Variants in PCDHGB2 observed in about 807,000 individuals in gnomAD.
PCDHGB2 encodes the protein protocadherin gamma-B2.
A neutral mutation model predicts 59.3 loss-of-function variants in PCDHGB2; 55 were observed. The ratio of observed to expected loss-of-function variants is 0.93; its 90% CI spans 0.75 to 1.16. PCDHGB2 has a LOEUF of 1.16. Ranked by LOEUF, PCDHGB2 falls within the 50% of genes most tolerant of loss-of-function variation. The pLI is 0.00. For missense variants in PCDHGB2, 1,228 were observed against 1,198.5 expected, an observed-to-expected ratio of 1.02 and a Z score of -0.36; for synonymous variants, 516 against 512.0, an observed-to-expected ratio of 1.01 and a Z score of -0.11.
At chr5:141,405,545 AAGTAGAGTAGCTGGGACTAG>A (rs1053729516) in intron 1 of PCDHGB2, 17 of 631,162 alleles carry the variant, frequency 2.7e-5, no homozygotes, top group African/African-American at 9.2e-5. Flanking sequence ...TCAGCCTCCC[AAGTAGAGTAGCTGGGACTAG>A]AGTAGAGTAG....
At chr5:141,376,267 G>C (rs1021502624) in intron 1 of PCDHGB2, 2 of 1,614,092 alleles carry the variant, frequency 1.2e-6, no homozygotes, top group African/African-American at 2.7e-5. Context: ...TGCAGGCTTC[G>C]GGAGGTGGCT....
At position 141,476,251 on chromosome 5, in the gene PCDHGB2, C is replaced by T; in HGVS notation, c.2422-18556C>T. On this transcript the variant is annotated intron_variant, in intron 1 of 3. Coordinates refer to ENST00000522605, the MANE Select transcript of PCDHGB2 (RefSeq NM_018923.3). This position sits in a 1 kb window ranked among gnomAD's most constrained non-coding sequence, Gnocchi z 7.6. The stretch of plus-strand genomic sequence containing the variant: ...TCCCGGAGGAAAGAGAGAAGGGTTT[C>T]GCTGTGGGCAACGTGGTCGCGAACC... 1 of 1,613,866 alleles carries T rather than the reference C, an allele frequency of 6.2e-7. No homozygotes were observed. The highest frequency in any genetic ancestry group is 8.5e-7 in the Non-Finnish European group (1 of 1,179,978).
At chr5:141,450,297 G>A (rs1414677718) in intron 1 of PCDHGB2, among the ~76,000 whole-genome samples, 3 of 151,838 alleles carry the variant, frequency 2.0e-5, no homozygotes, top group Non-Finnish European at 4.4e-5. Context: ...ACAGGCGTGA[G>A]CCACCATGTG....
intron 1 of PCDHGB2, among the ~76,000 whole-genome samples, chr5:141,492,164 C>G (rs1180358388): frequency 6.6e-6 from 1 of 152,230 alleles, no homozygotes; most frequent in Non-Finnish European, 1.5e-5. Context: ...CTCCCTATCC[C>G]CGCATCACCC....
chr5:141,366,545 C>T, intron 1 of PCDHGB2: 1 of 1,614,268 alleles, frequency 6.2e-7, no homozygotes, highest in East Asian at 2.2e-5. Context: ...GCCCGCCTCG[C>T]ACTTTGTGGG....
At position 141,421,672 on chromosome 5, in the gene PCDHGB2, C is replaced by T; in HGVS notation, c.2421+59116C>T. On this transcript the variant is annotated intron_variant, in intron 1 of 3. Coordinates refer to ENST00000522605, the MANE Select transcript of PCDHGB2 (RefSeq NM_018923.3). Reference sequence around the variant, plus strand: ...GATAAAAGTCAGTGAGCACGCAATTCCTGGGGCGCGATTTGCTCTTCCTAA... The same window carrying T: ...GATAAAAGTCAGTGAGCACGCAATTTCTGGGGCGCGATTTGCTCTTCCTAA... 4 of 1,613,862 alleles carry T rather than the reference C, an allele frequency of 2.5e-6. No individual in the cohort carries two copies. The highest frequency in any genetic ancestry group is 1.6e-4 in the Middle Eastern group (1 of 6,062).
intron 1 of PCDHGB2, chr5:141,375,467 C>A: frequency 6.2e-7 from 1 of 1,614,008 alleles, no homozygotes; most frequent in Non-Finnish European, 8.5e-7. Flanking sequence ...AGTCTATGTC[C>A]TTGAAAACAA....
rs761181928 is a variant in PCDHGB2, at chr5:141,360,515, A to G, written c.380A>G (p.Asn127Ser). 1 of 1,613,898 alleles carries G rather than the reference A, an allele frequency of 6.2e-7. No homozygotes were observed. ...FYIAVIVQDI[N>S]DNTPLFKQTK... ...ATAGCAGTAATTGTGCAGGATATAA[A>G]TGATAATACCCCGCTATTCAAACAG... is the stretch of plus-strand genomic sequence containing the variant. Residue 127 changes from asparagine to serine, a missense_variant, in exon 1 of 4, where the codon AAT becomes AGT. Asn to Ser is a conservative substitution (Grantham distance 46, BLOSUM62 1). Coordinates refer to ENST00000522605, the MANE Select transcript of PCDHGB2 (RefSeq NM_018923.3).
intron 1 of PCDHGB2, among the ~76,000 whole-genome samples, chr5:141,437,490 A>C (rs549866784): frequency 6.6e-6 from 1 of 152,190 alleles, no homozygotes; most frequent in African/African-American, 2.4e-5. Flanking sequence ...AATCTCGTAG[A>C]TCACTTTTCA....
At position 141,454,796 on chromosome 5, in the gene PCDHGB2, A is replaced by ATT. The variant is rs61612330; in HGVS notation, c.2422-39983_2422-39982dup. On this transcript the variant is annotated intron_variant, in intron 1 of 3. Coordinates refer to ENST00000522605, the MANE Select transcript of PCDHGB2 (RefSeq NM_018923.3). Reference sequence around the variant, plus strand: ...AAGGAAATAATCCTCCATGGTTCTAATTTTTTTTTTTTTTTTTTTTTTTTT... The same window carrying ATT: ...AAGGAAATAATCCTCCATGGTTCTAATTTTTTTTTTTTTTTTTTTTTTTTTTT... 6.7e-3 allele frequency among the ~76,000 whole-genome samples: 521 copies of ATT among 77,456 alleles called. 71 individuals are homozygous for ATT. The highest frequency in any genetic ancestry group is 0.017 in the Middle Eastern group (2 of 120). The allele number at this position is 77,456 out of a possible 152,430, so 50.8% of individuals were successfully genotyped here.
rs189836587 is a variant in PCDHGB2, at chr5:141,376,293, G to A, written c.2421+13737G>A. 14 of 1,614,094 alleles carry A rather than the reference G, an allele frequency of 8.7e-6. No homozygotes were observed. In the Admixed American group the frequency reaches 2.0e-4, roughly 23 times the overall value. On this transcript the variant is annotated intron_variant, in intron 1 of 3. Coordinates refer to ENST00000522605, the MANE Select transcript of PCDHGB2 (RefSeq NM_018923.3). ...GGAGGTGGCTTAGCGAGCATGCCCG[G>A]CTCGCACTTTGTGGGCGTGGAAGGG... is the stretch of plus-strand genomic sequence containing the variant.
At chr5:141,367,247 T>C (rs1765012558) in intron 1 of PCDHGB2, 1 of 153,262 alleles carries the variant, frequency 6.5e-6, no homozygotes, top group South Asian at 2.0e-4. Context: ...GTCATAAATA[T>C]CAGAAAAGAG....
chr5:141,400,071 G>A (rs2093956056), intron 1 of PCDHGB2: 1 of 1,613,824 alleles, frequency 6.2e-7, no homozygotes, highest in African/African-American at 1.3e-5. Flanking sequence ...GTGGACAGCC[G>A]CCACTCTCCG....
intron 1 of PCDHGB2, chr5:141,397,962 A>T: frequency 1.9e-6 from 2 of 1,037,030 alleles, no homozygotes; most frequent in Admixed American, 2.9e-5. Context: ...CCCAGCTCAG[A>T]CTCCCCAGCG....
At chr5:141,462,206 T>A (rs574863016) in intron 1 of PCDHGB2, among the ~76,000 whole-genome samples, 7 of 152,066 alleles carry the variant, frequency 4.6e-5, no homozygotes, top group African/African-American at 1.7e-4. Flanking sequence ...GTGATCCGCC[T>A]GCCTCGGCCT....
At chr5:141,410,532 A>G in intron 1 of PCDHGB2, 1 of 1,613,908 alleles carries the variant, frequency 6.2e-7, no homozygotes, top group Non-Finnish European at 8.5e-7. Context: ...CATTCCAATG[A>G]AGACATGGTT....
At chr5:141,423,533 T>C (rs2096751691) in intron 1 of PCDHGB2, 1 of 1,613,650 alleles carries the variant, frequency 6.2e-7, no homozygotes, top group Non-Finnish European at 8.5e-7. Flanking sequence ...AAGAGTCACC[T>C]GATTTTCCCC....
chr5:141,447,775 AT>A (rs1463090729), intron 1 of PCDHGB2, among the ~76,000 whole-genome samples: 2 of 152,212 alleles, frequency 1.3e-5, no homozygotes, highest in Non-Finnish European at 2.9e-5. Flanking sequence ...TTATACTTTA[AT>A]TGAAAATAAA....
intron 1 of PCDHGB2, chr5:141,373,807 T>G (rs760297070): frequency 2.9e-6 from 1 of 341,172 alleles, no homozygotes; most frequent in African/African-American, 2.1e-5. Context: ...CTCTGTGTGA[T>G]AGTTTCACAA....
Sources: allele counts gnomAD v4.1 joint callset (sites outside exome capture counted in the v4.1 genomes callset), GRCh38; gene constraint gnomAD v4.1.1; non-coding constraint Gnocchi (gnomAD v3.1); transcripts MANE v1.5; gene names NCBI Gene and HGNC (gene_info 2026-07-23, HGNC 2026-07-21).